The following KAT14 variants were observed in gnomAD, a reference collection of about 807,000 sequenced individuals.
The protein encoded by KAT14 is lysine acetyltransferase 14.
A neutral mutation model predicts 78.4 loss-of-function variants in KAT14; 66 were observed. The observed-to-expected ratio is 0.84, with a 90% confidence interval of 0.69 to 1.03. The LOEUF (loss-of-function observed/expected upper bound fraction) is 1.03, where lower values mean the gene tolerates loss of function less well. Ranked by LOEUF, KAT14 falls within the 50% of genes least tolerant of loss-of-function variation. The probability of loss-of-function intolerance (pLI) is 0.00; values close to 1 mark genes in which losing one functional copy is unlikely to be tolerated. For synonymous variants in KAT14, 344 were observed against 359.4 expected, an observed-to-expected ratio of 0.96 and a Z score of 0.48; for missense variants, 870 against 972.5, an observed-to-expected ratio of 0.89 and a Z score of 1.40.
At chr20:18,159,667 C>T (rs755176358) in intron 5 of KAT14, among the ~76,000 whole-genome samples, 1 of 152,194 alleles carries the variant, frequency 6.6e-6, no homozygotes, top group Non-Finnish European at 1.5e-5. Flanking sequence ...GTACTTTTCC[C>T]CAACCTTCCC....
intron 3 of KAT14, among the ~76,000 whole-genome samples, chr20:18,149,549 G>A (rs1405040387): frequency 6.6e-6 from 1 of 152,174 alleles, no homozygotes; most frequent in Non-Finnish European, 1.5e-5. Flanking sequence ...AGAATTACTG[G>A]GCCCCTTTGA....
Position 18,138,068 on chromosome 20 carries a change from C to T in KAT14, c.-454+17C>T, listed in dbSNP as rs1199429206. On this transcript the variant is annotated intron_variant, in intron 1 of 10. Transcript: ENST00000688188. ...GACCAGCAGGTCGGTGTCACGTGACCGTCTCTTCCGGGCCCGCGCGCGCGG... is the reference window on the plus strand; with the variant it reads ...GACCAGCAGGTCGGTGTCACGTGACTGTCTCTTCCGGGCCCGCGCGCGCGG... 1.2e-5 allele frequency: 17 copies of T among 1,460,744 alleles called. No individual in the cohort carries two copies. Among genetic ancestry groups the T allele is most frequent in the African/African-American group, 1.5e-5 (1 of 67,684 alleles). 90.5% of individuals were successfully genotyped at this position (1,460,744 alleles called of 1,614,324 possible).
chr20:18,142,415 G>T lies in KAT14; in HGVS notation c.-246G>T. ...ACGAGTTTGTGTGTGTGTGTTGATGGAGAGTAGCTTAGTAGTATCTTCATC... is the reference window on the plus strand; with the variant it reads ...ACGAGTTTGTGTGTGTGTGTTGATGTAGAGTAGCTTAGTAGTATCTTCATC... On this transcript the variant is annotated 5_prime_UTR_variant, in exon 2 of 11. The change creates a premature stop within an existing upstream ORF in the 5' untranslated region. Transcript: ENST00000688188. 6.6e-7 allele frequency: 1 copy of T among 1,505,850 alleles called. No homozygotes were observed. The highest frequency in any genetic ancestry group is 1.4e-5 in the African/African-American group (1 of 71,398). 93.3% of individuals were successfully genotyped at this position (1,505,850 alleles called of 1,614,324 possible).
intron 4 of KAT14, among the ~76,000 whole-genome samples, chr20:18,153,501 G>A (rs1250775801): frequency 6.6e-6 from 1 of 152,200 alleles, no homozygotes; most frequent in East Asian, 1.9e-4. Flanking sequence ...TGATCTTCGA[G>A]TGCTGTCCTA....
At chr20:18,147,475 T>C (rs1229652462) in intron 3 of KAT14, among the ~76,000 whole-genome samples, 1 of 152,220 alleles carries the variant, frequency 6.6e-6, no homozygotes, top group East Asian at 1.9e-4. Context: ...TTTTCAAAAA[T>C]GTGAGTTTTC....
chr20:18,151,079 C>T (rs60535649), intron 4 of KAT14, 137 bp downstream of exon 4: 112,409 of 1,195,700 alleles, frequency 0.094, 7,042 homozygotes, highest in African/African-American at 0.28. Flanking sequence ...GGCTGGAGTG[C>T]AGTGGCATGA....
intron 7 of KAT14, among the ~76,000 whole-genome samples, chr20:18,180,353 C>T (rs953289324): frequency 2.6e-5 from 4 of 152,224 alleles, no homozygotes; most frequent in African/African-American, 9.6e-5. Flanking sequence ...CCATCTGAGA[C>T]CACCTCAGCC....
intron 7 of KAT14, among the ~76,000 whole-genome samples, chr20:18,175,964 T>C (rs2039025660): frequency 6.8e-6 from 1 of 146,012 alleles, no homozygotes; most frequent in Admixed American, 7.0e-5. Context: ...GCCATGATCA[T>C]GCCACTGCAC....
chr20:18,164,825 C>T lies in KAT14; in HGVS notation c.1668+1880C>T, dbSNP rs150961400. ...TATTTTTAGTAGAGACAGGGTCCTA[C>T]TATCTTGCCCAGACTGATCTCAAAC... On this transcript the variant is annotated intron_variant, in intron 7 of 10. Coordinates refer to ENST00000688188, the MANE Select transcript of KAT14 (RefSeq NM_001392073.1). 3.5e-3 allele frequency among the ~76,000 whole-genome samples: 539 copies of T among 152,048 alleles called. 3 individuals are homozygous for T. Among genetic ancestry groups the T allele is most frequent in the Non-Finnish European group, 5.2e-3 (351 of 67,998 alleles).
Position 18,173,391 on chromosome 20 carries a change from A to G in KAT14, c.1669-8319A>G, listed in dbSNP as rs569114496. 2.0e-5 allele frequency among the ~76,000 whole-genome samples: 3 copies of G among 152,258 alleles called. No homozygotes were observed. In the South Asian group the frequency reaches 6.2e-4, roughly 32 times the overall value. On this transcript the variant is annotated intron_variant, in intron 7 of 10. Coordinates refer to ENST00000688188, the MANE Select transcript of KAT14 (RefSeq NM_001392073.1). ...TTTGAGGGCAGTGGTTTGCCTTGTT[A>G]TCTCATGTCTTTTACGGATCTACAA...
chr20:18,187,146 G>A, intron 10 of KAT14, 140 bp from the exon 11 acceptor site: 1 of 1,033,088 alleles, frequency 9.7e-7, no homozygotes, highest in Non-Finnish European at 1.4e-6. Context: ...CTGTTGCTAG[G>A]TGTTGCAATG....
At chr20:18,137,756 A>C (rs987556255), upstream of KAT14, 1 of 492,574 alleles carries the variant, frequency 2.0e-6, no homozygotes, top group Non-Finnish European at 3.4e-6. Flanking sequence ...TAGTGAAGCC[A>C]AGAGTTCGTA....
At chr20:18,178,657 T>C (rs2039133636) in intron 7 of KAT14, among the ~76,000 whole-genome samples, 2 of 152,086 alleles carry the variant, frequency 1.3e-5, no homozygotes. Context: ...ATTCAAATTA[T>C]CTCCCACTGG....
chr20:18,152,628 T>C (rs2038090205), intron 4 of KAT14, among the ~76,000 whole-genome samples: 1 of 152,174 alleles, frequency 6.6e-6, no homozygotes, highest in Admixed American at 6.6e-5. Flanking sequence ...CAGTGCCTTC[T>C]AGGAGGACAA....
chr20:18,183,177 C>G lies in KAT14; in HGVS notation c.1860C>G (p.Ser620=), dbSNP rs370724537. The G allele has an allele frequency of 2.6e-5, 42 of 1,613,674 alleles. No homozygotes were observed. The highest frequency in any genetic ancestry group is 3.4e-5 in the Non-Finnish European group (40 of 1,179,914). ...PKLQLLSQIR[S]HLHRSDPHWT... ...TGCAGCTCCTGTCACAGATTCGTTC[C>G]CACCTGCACAGGAGCGACCCTCACT... The change falls in exon 9 of 11, where the codon TCC becomes TCG. Residue 620 remains serine, a synonymous_variant. Transcript: ENST00000688188.
chr20:18,137,456 T>TG (rs1306492017), upstream of KAT14, among the ~76,000 whole-genome samples: 1 of 152,156 alleles, frequency 6.6e-6, no homozygotes, highest in Non-Finnish European at 1.5e-5. Flanking sequence ...GGCGGTCTCC[T>TG]GGTGGCGCCT....
intron 7 of KAT14, among the ~76,000 whole-genome samples, chr20:18,172,012 A>T (rs78132580): frequency 7.9e-5 from 12 of 152,318 alleles, no homozygotes; most frequent in Non-Finnish European, 1.8e-4. Context: ...GATCATTGGC[A>T]TTTTTTAACA....
intron 7 of KAT14, among the ~76,000 whole-genome samples, chr20:18,165,789 T>C (rs1359508518): frequency 6.6e-6 from 1 of 152,164 alleles, no homozygotes; most frequent in Non-Finnish European, 1.5e-5. Flanking sequence ...GGCAGAAATC[T>C]GGGCAGAGGA....
chr20:18,147,709 C>G (rs2037877159), intron 3 of KAT14, among the ~76,000 whole-genome samples: 1 of 152,188 alleles, frequency 6.6e-6, no homozygotes, highest in Non-Finnish European at 1.5e-5. Flanking sequence ...CTCAGCCCCT[C>G]TAGTAGCTGG....
Sources: gnomAD v4.1 joint callset for allele counts (sites outside exome capture counted in the v4.1 genomes callset) on GRCh38, gnomAD v4.1.1 for gene constraint, MANE v1.5 for transcripts, NCBI Gene and HGNC (gene_info 2026-07-23, HGNC 2026-07-21) for gene names.